The following SIK3 variants were observed in gnomAD, a reference collection of about 807,000 sequenced individuals.
SIK3 encodes SIK family kinase 3.
In SIK3, 28 loss-of-function variants were observed where a neutral mutation model predicts 144.2. The ratio of observed to expected loss-of-function variants is 0.19; its 90% CI spans 0.14 to 0.27. SIK3 has a LOEUF of 0.27. Ranked by LOEUF, SIK3 falls within the 10% of genes least tolerant of loss-of-function variation. The pLI, the probability that SIK3 is intolerant of heterozygous loss-of-function variation, is 1.00. For missense variants in SIK3, 1,319 were observed against 1,776.0 expected, an observed-to-expected ratio of 0.74 and a Z score of 4.62; for synonymous variants, 686 against 676.3, an observed-to-expected ratio of 1.01 and a Z score of -0.22.
At chr11:116,989,382 G>A (rs983920838) in intron 1 of SIK3, among the ~76,000 whole-genome samples, 2 of 152,180 alleles carry the variant, frequency 1.3e-5, no homozygotes, top group African/African-American at 4.8e-5. Context: ...TTTAAGGTCT[G>A]CACAACCTTG....
chr11:117,044,868 G>A (rs538608165), intron 1 of SIK3, among the ~76,000 whole-genome samples: 1 of 152,116 alleles, frequency 6.6e-6, no homozygotes, highest in Non-Finnish European at 1.5e-5. Flanking sequence ...GGGCAACAGA[G>A]CAAGACCCCC....
chr11:116,967,194 A>G (rs1370875044), intron 1 of SIK3, among the ~76,000 whole-genome samples: 1 of 152,180 alleles, frequency 6.6e-6, no homozygotes, highest in African/African-American at 2.4e-5. Flanking sequence ...GCCAACTCAC[A>G]GGTAAAAATA....
chr11:117,068,428 G>A (rs550171642), intron 1 of SIK3, among the ~76,000 whole-genome samples: 15 of 152,156 alleles, frequency 9.9e-5, no homozygotes, highest in African/African-American at 1.7e-4. Context: ...GTTTAAAGAT[G>A]ATCCGAACAT....
rs754633188 is a variant in SIK3, at chr11:117,020,236, C to CATAT, written c.274-63176_274-63173dup. Among the ~76,000 whole-genome samples, 114 of 122,308 alleles carry CATAT rather than the reference C, an allele frequency of 9.3e-4. 5 individuals carry two copies. Among genetic ancestry groups the CATAT allele is most frequent in the Middle Eastern group, 4.0e-3 (1 of 250 alleles). The allele number at this position is 122,308 out of a possible 152,430, so 80.2% of individuals were successfully genotyped here. ...GGTGATATTTGTATGTGTATATGTG[C>CATAT]ATATATATATACACATACATATATC... is the stretch of plus-strand genomic sequence containing the variant. On this transcript the variant is annotated intron_variant, in intron 1 of 24. Transcript: ENST00000445177.
chr11:116,907,347 T>C (rs1946094249), intron 4 of SIK3, among the ~76,000 whole-genome samples: 1 of 152,204 alleles, frequency 6.6e-6, no homozygotes, highest in Non-Finnish European at 1.5e-5. Context: ...TAATTATTTT[T>C]ATTGAAATTT....
rs762429347 is a variant in SIK3, at chr11:116,954,023, G to C, written c.454+21C>G. 3 of 1,605,740 alleles carry C rather than the reference G, an allele frequency of 1.9e-6. No homozygotes were observed. The Admixed American group carries it at 5.0e-5, about 27-fold the overall frequency. On this transcript the variant is annotated intron_variant, in intron 3 of 24. Transcript: ENST00000445177. Reference sequence around the variant, plus strand: ...ATAGTGTGCTCAATAGCTGTTTAAAGAATGCAATAAATGTACTTACCAAAT... The same window carrying C: ...ATAGTGTGCTCAATAGCTGTTTAAACAATGCAATAAATGTACTTACCAAAT...
chr11:116,926,385 A>G (rs1157048810), intron 4 of SIK3, among the ~76,000 whole-genome samples: 1 of 152,218 alleles, frequency 6.6e-6, no homozygotes, highest in East Asian at 1.9e-4. Context: ...GCATGAACAG[A>G]TCAAGGCAGT....
rs1278302129 is a variant in SIK3 at position 116,868,028 on chromosome 11, G to C, written c.1870C>G (p.Pro624Ala). Residue 624 changes from proline (P) to alanine (A), a missense_variant, in exon 15 of 25, where the codon CCA becomes GCA. Pro to Ala is a conservative substitution (Grantham distance 27). Around this residue, in one of 8 missense-constraint regions of SIK3, gnomAD observed 167 missense variants for 263.3 expected, o/e 0.63. Transcript: ENST00000445177. ...LAMTNPTAEI[P>A]PDLQRQLGQQ... ...CCTAGCTGCCGTTGTAGGTCCGGTG[G>C]GATCTCAGCTGTAGGGTTGGTCATG... 4 of 1,550,610 alleles carry C rather than the reference G, an allele frequency of 2.6e-6. No homozygotes were observed. In the Admixed American group the frequency reaches 5.9e-5, roughly 23 times the overall value.
chr11:116,973,462 A>C (rs1949835423), intron 1 of SIK3, among the ~76,000 whole-genome samples: 1 of 152,352 alleles, frequency 6.6e-6, no homozygotes, highest in Middle Eastern at 3.4e-3. Flanking sequence ...CTCTGTGTAA[A>C]CATAGGTAAG....
chr11:117,012,316 TG>T (rs1289689448), intron 1 of SIK3, among the ~76,000 whole-genome samples: 2 of 152,248 alleles, frequency 1.3e-5, no homozygotes, highest in African/African-American at 4.8e-5. Flanking sequence ...TTTTCAATGA[TG>T]CCAGGCAGCA....
At chr11:117,076,587 C>G (rs911506277) in intron 1 of SIK3, among the ~76,000 whole-genome samples, 5 of 151,784 alleles carry the variant, frequency 3.3e-5, no homozygotes, top group Non-Finnish European at 2.9e-5. Flanking sequence ...AGTGCAGTGG[C>G]GCGATCTTGG....
At chr11:117,040,943 GCCT>G (rs34655298) in intron 1 of SIK3, among the ~76,000 whole-genome samples, 9,530 of 139,574 alleles carry the variant, frequency 0.068, 380 homozygotes, top group Middle Eastern at 0.11. Flanking sequence ...ACAGTTACCT[GCCT>G]CCTTTTTTTT....
chr11:117,068,947 C>T (rs1954138796), intron 1 of SIK3, among the ~76,000 whole-genome samples: 1 of 152,108 alleles, frequency 6.6e-6, no homozygotes, highest in Non-Finnish European at 1.5e-5. Flanking sequence ...GGTAGTATGA[C>T]TCCTACCCTG....
intron 1 of SIK3, among the ~76,000 whole-genome samples, chr11:116,981,815 C>T (rs952862940): frequency 6.6e-6 from 1 of 152,140 alleles, no homozygotes; most frequent in Non-Finnish European, 1.5e-5. Flanking sequence ...GAGTTCAACA[C>T]TAGCCTGGGC....
chr11:116,992,991 G>A (rs1029667898), intron 1 of SIK3, among the ~76,000 whole-genome samples: 2 of 152,032 alleles, frequency 1.3e-5, no homozygotes, highest in African/African-American at 4.8e-5. Context: ...TCTCAAAAAA[G>A]TATCTCTAAA....
At chr11:116,992,704 A>G (rs1950538211) in intron 1 of SIK3, among the ~76,000 whole-genome samples, 1 of 152,238 alleles carries the variant, frequency 6.6e-6, no homozygotes, top group African/African-American at 2.4e-5. Flanking sequence ...TCACTAGGTC[A>G]GGAGCAGTAG....
intron 21 of SIK3, among the ~76,000 whole-genome samples, chr11:116,852,599 G>A (rs901646364): frequency 6.6e-6 from 1 of 152,198 alleles, no homozygotes; most frequent in African/African-American, 2.4e-5. Flanking sequence ...CTTCATAGAG[G>A]TTACTACACT....
At chr11:117,007,056 G>A (rs914139007) in intron 1 of SIK3, among the ~76,000 whole-genome samples, 3 of 152,190 alleles carry the variant, frequency 2.0e-5, no homozygotes, top group African/African-American at 4.8e-5. Context: ...GGACATGCTC[G>A]TGCTTACAGC....
chr11:117,028,377 TAC>T (rs1952113733), intron 1 of SIK3, among the ~76,000 whole-genome samples: 2 of 152,018 alleles, frequency 1.3e-5, no homozygotes, highest in African/African-American at 4.8e-5. Flanking sequence ...CAATTAAGAG[TAC>T]ACAGTTCCTG....
Sources: allele counts gnomAD v4.1 joint callset (sites outside exome capture counted in the v4.1 genomes callset), GRCh38; gene constraint gnomAD v4.1.1; regional missense constraint gnomAD v4.1.1; transcripts MANE v1.5; gene names NCBI Gene and HGNC (gene_info 2026-07-23, HGNC 2026-07-21).